ENOX1: variants seen among roughly 807,000 people sequenced by gnomAD.
ENOX1 encodes ecto-NOX disulfide-thiol exchanger 1.
ENOX1 carries 42 observed loss-of-function variants against 82.5 expected under a neutral mutation model. The ratio of observed to expected loss-of-function variants is 0.51; its 90% CI spans 0.40 to 0.66. The LOEUF is 0.66. Among genes scored for constraint, ENOX1 ranks in the 30% least tolerant of loss-of-function variants. The probability of loss-of-function intolerance (pLI) is 0.00; values close to 1 mark genes in which losing one functional copy is unlikely to be tolerated. For missense variants in ENOX1, 608 were observed against 811.6 expected (o/e 0.75, Z 3.05); for synonymous variants, 271 against 282.2 (o/e 0.96, Z 0.40).
chr13:43,424,279 T>C (rs1407246429), intron 3 of ENOX1, among the ~76,000 whole-genome samples: 1 of 152,224 alleles, frequency 6.6e-6, no homozygotes, highest in Admixed American at 6.5e-5. Flanking sequence ...GCTCAGCTTT[T>C]TCATTATGTA....
At chr13:43,447,057 C>T (rs919421446) in intron 3 of ENOX1, among the ~76,000 whole-genome samples, 1 of 152,204 alleles carries the variant, frequency 6.6e-6, no homozygotes, top group Non-Finnish European at 1.5e-5. Context: ...AGAAAGAAAA[C>T]ATCTAGAATA....
chr13:43,352,192 C>A (rs1314504585), intron 8 of ENOX1, among the ~76,000 whole-genome samples: 1 of 152,122 alleles, frequency 6.6e-6, no homozygotes, highest in African/African-American at 2.4e-5. Flanking sequence ...AATGTTGATC[C>A]CAGGAGGATG....
At chr13:43,676,096 C>T (rs2085495004) in intron 1 of ENOX1, among the ~76,000 whole-genome samples, 1 of 152,162 alleles carries the variant, frequency 6.6e-6, no homozygotes, top group Non-Finnish European at 1.5e-5. Context: ...GTGGAGATTC[C>T]TCATGAATGG....
intron 1 of ENOX1, among the ~76,000 whole-genome samples, chr13:43,754,282 CATAT>C (rs1471849058): frequency 7.1e-6 from 1 of 141,684 alleles, no homozygotes; most frequent in Non-Finnish European, 1.5e-5. Context: ...CACATATATA[CATAT>C]ATACACATAT....
At chr13:43,461,884 C>CT (rs1026758986) in intron 3 of ENOX1, among the ~76,000 whole-genome samples, 7 of 152,188 alleles carry the variant, frequency 4.6e-5, no homozygotes, top group Admixed American at 1.3e-4. Context: ...AGCGCAATCA[C>CT]TTTTTTGGTG....
At chr13:43,716,400 G>A (rs572766101) in intron 1 of ENOX1, among the ~76,000 whole-genome samples, 46 of 152,198 alleles carry the variant, frequency 3.0e-4, no homozygotes, top group Admixed American at 3.9e-4. Context: ...TGCAGAAATC[G>A]CCCATCTTCT....
chr13:43,496,149 C>G (rs553784805), intron 2 of ENOX1, among the ~76,000 whole-genome samples: 4 of 151,144 alleles, frequency 2.6e-5, no homozygotes, highest in Non-Finnish European at 5.9e-5. Context: ...TTATAGGGAG[C>G]CTTTAATGTT....
At chr13:43,298,299 AC>A in intron 12 of ENOX1, 46 bp downstream of exon 12, 1 of 1,520,350 alleles carries the variant, frequency 6.6e-7, no homozygotes, top group East Asian at 2.3e-5. Context: ...CATTTAATAC[AC>A]ATATCTCTTT....
intron 5 of ENOX1, among the ~76,000 whole-genome samples, chr13:43,372,920 CTG>C (rs1013959749): frequency 6.6e-6 from 1 of 151,676 alleles, no homozygotes; most frequent in African/African-American, 2.4e-5. Context: ...CTAACAGAAA[CTG>C]TGCCTCGGTT....
intron 1 of ENOX1, among the ~76,000 whole-genome samples, chr13:43,696,706 T>C (rs573030526): frequency 3.9e-5 from 6 of 151,912 alleles, no homozygotes; most frequent in African/African-American, 1.4e-4. Flanking sequence ...TGCACGCACT[T>C]AGACCTTTAT....
chr13:43,611,496 TAGATGATGATGA>T (rs2082200196), intron 2 of ENOX1, among the ~76,000 whole-genome samples: 1 of 152,176 alleles, frequency 6.6e-6, no homozygotes, highest in Non-Finnish European at 1.5e-5. Flanking sequence ...AAAGGCTACT[TAGATGATGATGA>T]AGATCCACAA....
intron 9 of ENOX1, among the ~76,000 whole-genome samples, chr13:43,338,225 T>C (rs2048827731): frequency 6.6e-6 from 1 of 152,202 alleles, no homozygotes; most frequent in Non-Finnish European, 1.5e-5. Context: ...CTGAACTTTA[T>C]AAACAGCTCC....
intron 2 of ENOX1, among the ~76,000 whole-genome samples, chr13:43,543,690 G>T (rs1051454272): frequency 1.4e-5 from 2 of 147,776 alleles, no homozygotes; most frequent in Non-Finnish European, 3.0e-5. Context: ...CCTTGCTTCT[G>T]ACTTTTCAGA....
intron 2 of ENOX1, among the ~76,000 whole-genome samples, chr13:43,564,353 T>G (rs778092383): frequency 2.3e-4 from 35 of 152,002 alleles, no homozygotes; most frequent in Non-Finnish European, 4.9e-4. Flanking sequence ...ATCCTAAAAT[T>G]TATATGTATC....
chr13:43,624,858 A>C (rs764121539), intron 2 of ENOX1, among the ~76,000 whole-genome samples: 1 of 152,028 alleles, frequency 6.6e-6, no homozygotes, highest in Non-Finnish European at 1.5e-5. Context: ...AAATTGTTCA[A>C]AATATTCCAG....
intron 2 of ENOX1, among the ~76,000 whole-genome samples, chr13:43,488,379 G>A (rs75461932): frequency 0.01 from 1,532 of 152,306 alleles, 19 homozygotes; most frequent in African/African-American, 0.035. Context: ...GTGGAGAGCA[G>A]CCAGCACCAC....
chr13:43,720,658 TA>T (rs1258299525), intron 1 of ENOX1, among the ~76,000 whole-genome samples: 1 of 152,220 alleles, frequency 6.6e-6, no homozygotes, highest in African/African-American at 2.4e-5. Context: ...TTGTGTTTTG[TA>T]AGTGAAGCCT....
intron 1 of ENOX1, among the ~76,000 whole-genome samples, chr13:43,681,387 C>T (rs912383725): frequency 5.3e-5 from 8 of 152,024 alleles, no homozygotes; most frequent in African/African-American, 1.7e-4. Flanking sequence ...CCTAAGTCCA[C>T]ACCATTTCCC....
chr13:43,336,118 CA>C (rs1471471443), intron 9 of ENOX1, among the ~76,000 whole-genome samples: 3 of 152,314 alleles, frequency 2.0e-5, no homozygotes, highest in African/African-American at 7.2e-5. Context: ...AACATTTTAA[CA>C]CTTCATAAAA....
Sources: gnomAD v4.1 joint callset for allele counts (sites outside exome capture counted in the v4.1 genomes callset) on GRCh38, gnomAD v4.1.1 for gene constraint, MANE v1.5 for transcripts, NCBI Gene and HGNC (gene_info 2026-07-23, HGNC 2026-07-21) for gene names.